The following GDPD4 variants were observed in gnomAD, a reference collection of about 807,000 sequenced individuals.
GDPD4 encodes the protein glycerophosphodiester phosphodiesterase domain containing 4, also known as glycerophosphodiester phosphodiesterase 6.
In GDPD4, 60 loss-of-function variants were observed where a neutral mutation model predicts 67.8. That is an observed-to-expected ratio of 0.88 (90% CI 0.72 to 1.10). The LOEUF (loss-of-function observed/expected upper bound fraction) is 1.10. Among genes scored for constraint, GDPD4 ranks in the 50% least tolerant of loss-of-function variants. The probability of loss-of-function intolerance (pLI) is 0.00; values close to 1 mark genes in which losing one functional copy is unlikely to be tolerated. For synonymous variants in GDPD4, 212 were observed against 210.9 expected, an observed-to-expected ratio of 1.00 and a Z score of -0.04; for missense variants, 623 against 613.9, an observed-to-expected ratio of 1.01 and a Z score of -0.16.
chr11:77,264,667 G>A (rs1370322787), intron 10 of GDPD4, among the ~76,000 whole-genome samples: 1 of 152,144 alleles, frequency 6.6e-6, no homozygotes, highest in Non-Finnish European at 1.5e-5. Flanking sequence ...GAGAAGTGGT[G>A]TAGAAGAAGC....
At chr11:77,253,391 G>A (rs1309592938) in intron 11 of GDPD4, among the ~76,000 whole-genome samples, 3 of 152,136 alleles carry the variant, frequency 2.0e-5, no homozygotes, top group Admixed American at 6.5e-5. Flanking sequence ...GAGGCCAAGT[G>A]CAGCAGCCAA....
At chr11:77,261,868 G>C (rs1175061619) in intron 10 of GDPD4, among the ~76,000 whole-genome samples, 2 of 152,216 alleles carry the variant, frequency 1.3e-5, no homozygotes, top group Non-Finnish European at 2.9e-5. Context: ...CTGAAATAAA[G>C]AAGGCTGTTA....
Position 77,271,164 on chromosome 11 carries a change from A to AGT in GDPD4, c.365_366insAC (p.Val123LeufsTer15). 6.2e-7 allele frequency: 1 copy of AGT among 1,612,510 alleles called. No homozygotes were observed. ...CCAAACATGCCACGTAGAAGGCCAC[A>AGT]GGCCAGAAAAGGATAACCATCACAG... On this transcript the variant is annotated frameshift_variant, in exon 7 of 17. Transcript: ENST00000315938. LOFTEE classifies it high-confidence loss of function.
At chr11:77,287,169 T>C (rs569853507) in intron 2 of GDPD4, 49 bp downstream of exon 2, 20 of 152,364 alleles carry the variant, frequency 1.3e-4, no homozygotes, top group African/African-American at 4.1e-4. Flanking sequence ...AGTCAGCCTA[T>C]GCTCCCCGCA....
intron 14 of GDPD4, among the ~76,000 whole-genome samples, chr11:77,229,954 C>T (rs756203305): frequency 6.6e-6 from 1 of 152,128 alleles, no homozygotes; most frequent in Non-Finnish European, 1.5e-5. Context: ...AGGGCTGGCA[C>T]ATTTTATCCT....
intron 7 of GDPD4, 180 bp downstream of exon 7, chr11:77,270,950 C>T (rs746049328): frequency 2.9e-5 from 16 of 549,508 alleles, no homozygotes; most frequent in Non-Finnish European, 5.1e-5. Context: ...TATGACAGGC[C>T]ATTGGCCACT....
At chr11:77,257,171 A>G (rs980336653) in intron 11 of GDPD4, among the ~76,000 whole-genome samples, 2 of 152,214 alleles carry the variant, frequency 1.3e-5, no homozygotes, top group Non-Finnish European at 2.9e-5. Context: ...CTGCTGTCAC[A>G]TGTGCTAGCA....
intron 11 of GDPD4, among the ~76,000 whole-genome samples, chr11:77,249,443 T>C (rs1446463022): frequency 1.3e-5 from 2 of 152,164 alleles, no homozygotes; most frequent in Non-Finnish European, 1.5e-5. Flanking sequence ...TTCTGGTTTC[T>C]GGTTCCACAT....
intron 11 of GDPD4, among the ~76,000 whole-genome samples, chr11:77,250,742 T>C (rs1382920008): frequency 1.3e-5 from 2 of 152,198 alleles, no homozygotes; most frequent in South Asian, 2.1e-4. Context: ...TCAATGCCCA[T>C]AGTAGGATGT....
At chr11:77,240,130 T>TAAA (rs33975580) in intron 13 of GDPD4, among the ~76,000 whole-genome samples, 17 of 150,646 alleles carry the variant, frequency 1.1e-4, no homozygotes, top group South Asian at 2.1e-4. Context: ...TTCACAGAAA[T>TAAA]AAAAAAAAAA....
At chr11:77,234,397 T>C (rs112403443) in intron 13 of GDPD4, among the ~76,000 whole-genome samples, 46 of 152,306 alleles carry the variant, frequency 3.0e-4, no homozygotes, top group East Asian at 2.3e-3. Flanking sequence ...CATGTGCAGG[T>C]TTAATACATG....
At chr11:77,227,351 C>T (rs1958362087) in intron 16 of GDPD4, among the ~76,000 whole-genome samples, 1 of 152,224 alleles carries the variant, frequency 6.6e-6, no homozygotes, top group Non-Finnish European at 1.5e-5. Context: ...TAGCCTCCAA[C>T]ATATATCACC....
chr11:77,235,984 A>G (rs1247673029), intron 13 of GDPD4, among the ~76,000 whole-genome samples: 2 of 151,966 alleles, frequency 1.3e-5, no homozygotes, highest in Non-Finnish European at 2.9e-5. Flanking sequence ...AACAAAAAAA[A>G]AAACAAATTG....
At chr11:77,228,099 G>A (rs148416103) in intron 15 of GDPD4, among the ~76,000 whole-genome samples, 183 bp from the exon 16 acceptor site, 34 of 152,284 alleles carry the variant, frequency 2.2e-4, no homozygotes, top group African/African-American at 6.7e-4. Context: ...GGCGAGGCAC[G>A]GTGGCTCACA....
intron 13 of GDPD4, among the ~76,000 whole-genome samples, chr11:77,234,110 G>C (rs1200519100): frequency 6.6e-6 from 1 of 152,088 alleles, no homozygotes; most frequent in South Asian, 2.1e-4. Context: ...GTACAAGCCT[G>C]GGTTTGAATC....
At chr11:77,255,309 GTAATCC>G (rs1958982278) in intron 11 of GDPD4, among the ~76,000 whole-genome samples, 1 of 152,168 alleles carries the variant, frequency 6.6e-6, no homozygotes, top group Non-Finnish European at 1.5e-5. Flanking sequence ...GCTCACATCT[GTAATCC>G]CAGCACTTTG....
chr11:77,273,693 T>C (rs1959319666), intron 5 of GDPD4, among the ~76,000 whole-genome samples: 1 of 152,242 alleles, frequency 6.6e-6, no homozygotes, highest in Non-Finnish European at 1.5e-5. Flanking sequence ...TCTGATTGTT[T>C]GGTTATCTGA....
intron 16 of GDPD4, among the ~76,000 whole-genome samples, chr11:77,225,910 CCT>C (rs953756094): frequency 6.6e-6 from 1 of 152,080 alleles, no homozygotes; most frequent in African/African-American, 2.4e-5. Context: ...TTGTTCCTTC[CCT>C]GATTCTAAAC....
At chr11:77,268,419 T>C (rs1285943723) in intron 10 of GDPD4, 38 bp downstream of exon 10, 7 of 1,402,650 alleles carry the variant, frequency 5.0e-6, no homozygotes, top group Non-Finnish European at 6.1e-6. Flanking sequence ...ATTGAACTTA[T>C]ACCCTCCTCC....
Sources: allele counts gnomAD v4.1 joint callset (sites outside exome capture counted in the v4.1 genomes callset), GRCh38; gene constraint gnomAD v4.1.1; transcripts MANE v1.5; gene names NCBI Gene and HGNC (gene_info 2026-07-23, HGNC 2026-07-21).